Variants in ELF2 observed in about 807,000 individuals in gnomAD.
ELF2 encodes the protein E74 like ETS transcription factor 2, also known as ETS-related transcription factor Elf-2.
A neutral mutation model predicts 54.8 loss-of-function variants in ELF2; 11 were observed. That is an observed-to-expected ratio of 0.20 (90% CI 0.13 to 0.33). The LOEUF (loss-of-function observed/expected upper bound fraction) is 0.33. ELF2 is among the 10% of genes least tolerant of loss of function. The probability of loss-of-function intolerance (pLI) is 1.00; values close to 1 mark genes in which losing one functional copy is unlikely to be tolerated. For missense variants in ELF2, 513 were observed against 703.0 expected, an observed-to-expected ratio of 0.73 and a Z score of 3.06; for synonymous variants, 203 against 245.1, an observed-to-expected ratio of 0.83 and a Z score of 1.61.
At chr4:139,084,423 GGGCGGCAGGGGCAGGGGCGGCGGC>G in intron 4 of ELF2, 1 of 1,278,820 alleles carries the variant, frequency 7.8e-7, no homozygotes, top group Non-Finnish European at 9.9e-7. Flanking sequence ...GCAGGGGCAG[GGGCGGCAGGGGCAGGGGCGGCGGC>G]GGCGGCGGCG....
chr4:139,173,487 A>G (rs1275766932), intron 1 of ELF2, among the ~76,000 whole-genome samples: 1 of 152,146 alleles, frequency 6.6e-6, no homozygotes, highest in Non-Finnish European at 1.5e-5. Flanking sequence ...GGGTGGGTGC[A>G]GTGGCTCACA....
At chr4:139,138,698 G>C (rs6824592) in intron 2 of ELF2, among the ~76,000 whole-genome samples, 45,490 of 152,056 alleles carry the variant, frequency 0.3, 6,987 homozygotes, top group Middle Eastern at 0.36. Context: ...TTTGAATACA[G>C]GAACTGTATG....
intron 1 of ELF2, among the ~76,000 whole-genome samples, chr4:139,166,273 G>C (rs916946584): frequency 2.6e-5 from 4 of 152,128 alleles, no homozygotes; most frequent in Admixed American, 2.0e-4. Flanking sequence ...TGTAATCCCA[G>C]CTGCTTGGGA....
chr4:139,160,410 T>C (rs927080859), intron 1 of ELF2, among the ~76,000 whole-genome samples: 1 of 152,324 alleles, frequency 6.6e-6, no homozygotes, highest in East Asian at 1.9e-4. Context: ...AACTATTTCA[T>C]GGAGACCATA....
At position 139,137,810 on chromosome 4, in the gene ELF2, G is replaced by T; in HGVS notation, c.-109C>A. Reference sequence around the variant, plus strand: ...TTATCATGTTTTAAAAGTCAATAGAGATGGAGTGGAGTAGATATCCAGAAA... The same window carrying T: ...TTATCATGTTTTAAAAGTCAATAGATATGGAGTGGAGTAGATATCCAGAAA... On this transcript the variant is annotated 5_prime_UTR_variant, in exon 3 of 10. Transcript: ENST00000686138. The T allele has an allele frequency of 6.7e-7, 1 of 1,497,110 alleles. No homozygotes were observed. 92.7% of individuals were successfully genotyped at this position (1,497,110 alleles called of 1,614,324 possible).
intron 4 of ELF2, among the ~76,000 whole-genome samples, chr4:139,092,432 AT>A (rs1278228566): frequency 6.7e-6 from 1 of 148,190 alleles, no homozygotes; most frequent in Non-Finnish European, 1.5e-5. Context: ...ATAACATAAC[AT>A]AACATAACAT....
At chr4:139,161,781 C>G (rs924499597) in intron 1 of ELF2, among the ~76,000 whole-genome samples, 4 of 150,920 alleles carry the variant, frequency 2.7e-5, no homozygotes, top group African/African-American at 9.8e-5. Context: ...GACCAGCCTG[C>G]CCAACATGGA....
chr4:139,068,440 T>C (rs529857734), intron 6 of ELF2, among the ~76,000 whole-genome samples: 8 of 152,330 alleles, frequency 5.3e-5, no homozygotes, highest in Admixed American at 2.0e-4. Flanking sequence ...ATCTGATAAT[T>C]TGCAAAGCCC....
intron 1 of ELF2, among the ~76,000 whole-genome samples, chr4:139,156,692 T>G (rs1560877980): frequency 6.6e-6 from 1 of 151,930 alleles, no homozygotes; most frequent in Non-Finnish European, 1.5e-5. Context: ...CAGGCTGGAG[T>G]GCAGTGGTGC....
intron 1 of ELF2, among the ~76,000 whole-genome samples, chr4:139,166,169 A>T (rs1741703715): frequency 6.6e-6 from 1 of 152,084 alleles, no homozygotes. Flanking sequence ...TACTAAAAAT[A>T]AAAAATTTTA....
At position 139,137,770 on chromosome 4, in the gene ELF2, T is replaced by C; in HGVS notation, c.-69A>G. ...TTAAAGGTTCACTGATGGTTGCCAG[T>C]GTTATAGGTTTGCATTATCATGTTT... is the stretch of plus-strand genomic sequence containing the variant. On this transcript the variant is annotated 5_prime_UTR_variant, in exon 3 of 10. Coordinates refer to ENST00000686138, the MANE Select transcript of ELF2 (RefSeq NM_001331036.3). The C allele has an allele frequency of 1.9e-6, 3 of 1,592,982 alleles. No individual in the cohort carries two copies. The highest frequency in any genetic ancestry group is 1.7e-6 in the Non-Finnish European group (2 of 1,170,880).
chr4:139,093,477 C>T (rs7697858), intron 4 of ELF2, among the ~76,000 whole-genome samples: 47,007 of 151,966 alleles, frequency 0.31, 7,563 homozygotes, highest in African/African-American at 0.39. Context: ...AGTGTAATCT[C>T]GATTCCAAAA....
At chr4:139,062,564 A>G (rs1013672518) in intron 7 of ELF2, among the ~76,000 whole-genome samples, 5 of 152,228 alleles carry the variant, frequency 3.3e-5, no homozygotes, top group African/African-American at 1.2e-4. Flanking sequence ...TACATATCAC[A>G]CTATCCTAGA....
At chr4:139,098,366 T>G (rs529940546) in intron 4 of ELF2, among the ~76,000 whole-genome samples, 8 of 152,150 alleles carry the variant, frequency 5.3e-5, no homozygotes, top group Non-Finnish European at 1.0e-4. Context: ...ATAAAGAGTA[T>G]CTCTCTGTCC....
chr4:139,164,222 G>A (rs962381429), intron 1 of ELF2, among the ~76,000 whole-genome samples: 1 of 144,230 alleles, frequency 6.9e-6, no homozygotes, highest in Non-Finnish European at 1.5e-5. Flanking sequence ...AGGAGGGAGG[G>A]AGGGAAAGAG....
At chr4:139,124,123 C>T (rs1736669807) in intron 4 of ELF2, among the ~76,000 whole-genome samples, 1 of 152,158 alleles carries the variant, frequency 6.6e-6, no homozygotes, top group Non-Finnish European at 1.5e-5. Context: ...AGCGAGCCAC[C>T]TGCCCCAGTC....
At chr4:139,108,603 T>TA (rs879642749) in intron 4 of ELF2, among the ~76,000 whole-genome samples, 98 of 140,506 alleles carry the variant, frequency 7.0e-4, no homozygotes, top group African/African-American at 9.7e-4. Context: ...ATTCATATTC[T>TA]AAAAAAAAAA....
At chr4:139,091,165 C>G (rs1214175832) in intron 4 of ELF2, among the ~76,000 whole-genome samples, 1 of 151,880 alleles carries the variant, frequency 6.6e-6, no homozygotes, top group African/African-American at 2.4e-5. Flanking sequence ...GATCTGACCT[C>G]GTGATCCGCC....
chr4:139,067,849 C>T (rs1206603725), intron 6 of ELF2, 79 bp from the exon 7 acceptor site: 1 of 1,330,264 alleles, frequency 7.5e-7, no homozygotes, highest in African/African-American at 1.5e-5. Context: ...TTTCTGATTA[C>T]ACATTATTCA....
Sources: allele counts gnomAD v4.1 joint callset (sites outside exome capture counted in the v4.1 genomes callset), GRCh38; gene constraint gnomAD v4.1.1; transcripts MANE v1.5; gene names NCBI Gene and HGNC (gene_info 2026-07-23, HGNC 2026-07-21).